STK3: variants seen among roughly 807,000 people sequenced by gnomAD.
The protein encoded by STK3 is serine/threonine-protein kinase 3.
Under a neutral mutation model 58.0 loss-of-function variants are expected in STK3, and 41 were observed. The ratio of observed to expected loss-of-function variants is 0.71; its 90% CI spans 0.55 to 0.92. The LOEUF (loss-of-function observed/expected upper bound fraction) is 0.92. Ranked by LOEUF, STK3 falls within the 40% of genes least tolerant of loss-of-function variation. The pLI is 0.00. For synonymous variants in STK3, 170 were observed against 191.0 expected (o/e 0.89, Z 0.91); for missense variants, 479 against 602.7 (o/e 0.79, Z 2.15).
intron 10 of STK3, among the ~76,000 whole-genome samples, chr8:98,464,225 A>T (rs913519854): frequency 5.3e-5 from 8 of 152,216 alleles, no homozygotes; most frequent in African/African-American, 1.9e-4. Context: ...AATTGCCTAT[A>T]GCATTTTTAA....
At position 98,694,772 on chromosome 8, in the gene STK3, C is replaced by T. The variant is rs1054219454; in HGVS notation, c.684+11695G>A. 2.4e-4 allele frequency among the ~76,000 whole-genome samples: 36 copies of T among 152,246 alleles called. 2 individuals are homozygous for T. The highest frequency in any genetic ancestry group is 1.7e-3 in the East Asian group (9 of 5,178). Reference sequence around the variant, plus strand: ...TCATTGTTGGACATTTGGGTTGGTTCCAAGTCTTTGCTATTGTGAATAGTG... The same window carrying T: ...TCATTGTTGGACATTTGGGTTGGTTTCAAGTCTTTGCTATTGTGAATAGTG... On this transcript the variant is annotated intron_variant, in intron 6 of 10. Coordinates refer to ENST00000419617, the MANE Select transcript of STK3 (RefSeq NM_006281.4).
chr8:98,910,682 T>G (rs1839094035), intron 1 of STK3, among the ~76,000 whole-genome samples: 1 of 152,236 alleles, frequency 6.6e-6, no homozygotes, highest in Non-Finnish European at 1.5e-5. Flanking sequence ...TTAGTCCCTG[T>G]GCATTACTGC....
At chr8:98,587,410 G>C (rs890796068) in intron 7 of STK3, among the ~76,000 whole-genome samples, 16 of 152,178 alleles carry the variant, frequency 1.1e-4, no homozygotes, top group Admixed American at 6.5e-4. Flanking sequence ...GAGTGGTTTT[G>C]AGTGAGATTC....
At chr8:98,421,218 A>G (rs1818169552) in intron 3 of STK3, among the ~76,000 whole-genome samples, 1 of 152,170 alleles carries the variant, frequency 6.6e-6, no homozygotes, top group Admixed American at 6.5e-5. Flanking sequence ...CCTCCCACAG[A>G]AAGTTCAGGA....
rs1465363137 is a variant in STK3, at chr8:98,402,397, A to G, written n.484-884T>C. On this transcript the variant is annotated intron_variant and non_coding_transcript_variant, in intron 3 of 3. Transcript: ENST00000517832. The stretch of plus-strand genomic sequence containing the variant: ...CACATTCCTGTGTCCTCTTTCAGAG[A>G]GTCCAAGGGATCGGAGCTCCCTGGA... Among the ~76,000 whole-genome samples the G allele has an allele frequency of 3.3e-5, 5 of 152,182 alleles. No individual in the cohort carries two copies. In the South Asian group the frequency reaches 1.0e-3, roughly 31 times the overall value.
intron 6 of STK3, among the ~76,000 whole-genome samples, chr8:98,692,254 G>T (rs996483646): frequency 6.6e-5 from 10 of 152,154 alleles, no homozygotes; most frequent in African/African-American, 2.4e-4. Flanking sequence ...TTGAATTGAT[G>T]ATTGTGGATC....
intron 3 of STK3, among the ~76,000 whole-genome samples, chr8:98,852,420 C>A (rs777961668): frequency 6.6e-6 from 1 of 152,130 alleles, no homozygotes; most frequent in Non-Finnish European, 1.5e-5. Flanking sequence ...AGGGGTGAGC[C>A]ACTGTGCCCA....
intron 1 of STK3, among the ~76,000 whole-genome samples, chr8:98,887,110 A>G (rs937237472): frequency 1.3e-5 from 2 of 152,320 alleles, no homozygotes; most frequent in South Asian, 2.1e-4. Flanking sequence ...AAAAGAAAAA[A>G]AGAAATCATC....
intron 9 of STK3, among the ~76,000 whole-genome samples, chr8:98,537,101 T>A (rs1262687222): frequency 6.6e-6 from 1 of 151,762 alleles, no homozygotes; most frequent in Admixed American, 6.6e-5. Context: ...AAAGAAGGAG[T>A]CTATTCTGTC....
intron 4 of STK3, among the ~76,000 whole-genome samples, chr8:98,739,169 A>C (rs1160412414): frequency 6.6e-6 from 1 of 152,266 alleles, no homozygotes; most frequent in Non-Finnish European, 1.5e-5. Context: ...GGCAGGGCAC[A>C]GACAAACAAA....
chr8:98,383,015 G>A (rs989903146), intron 1 of STK3, among the ~76,000 whole-genome samples: 1 of 152,314 alleles, frequency 6.6e-6, no homozygotes, highest in Non-Finnish European at 1.5e-5. Flanking sequence ...CACAGCGTGA[G>A]GGCTCTGCCT....
intron 4 of STK3, among the ~76,000 whole-genome samples, chr8:98,738,990 T>C (rs1322720456): frequency 6.6e-6 from 1 of 152,214 alleles, no homozygotes; most frequent in African/African-American, 2.4e-5. Context: ...CACTGATTGC[T>C]AGCACAGCAG....
intron 3 of STK3, among the ~76,000 whole-genome samples, chr8:98,863,300 G>C (rs1170186947): frequency 6.6e-6 from 1 of 152,122 alleles, no homozygotes; most frequent in Admixed American, 6.6e-5. Flanking sequence ...TTTCTTTTAG[G>C]AAGGGCAGTA....
intron 10 of STK3, among the ~76,000 whole-genome samples, chr8:98,490,981 T>C (rs1227368546): frequency 6.6e-6 from 1 of 152,172 alleles, no homozygotes. Context: ...AAAGAAGGGA[T>C]CAGAGTTTTA....
At chr8:98,886,576 G>A (rs1196887104) in intron 1 of STK3, among the ~76,000 whole-genome samples, 1 of 152,140 alleles carries the variant, frequency 6.6e-6, no homozygotes, top group Non-Finnish European at 1.5e-5. Flanking sequence ...TGCCCTGGGA[G>A]TAAAGAAATA....
chr8:98,921,753 A>G (rs932542192), intron 1 of STK3, among the ~76,000 whole-genome samples: 3 of 151,830 alleles, frequency 2.0e-5, no homozygotes, highest in African/African-American at 7.3e-5. Flanking sequence ...GTGCAGTGGC[A>G]TGATTTCGGC....
intron 6 of STK3, among the ~76,000 whole-genome samples, chr8:98,688,768 A>G (rs1824192488): frequency 6.6e-6 from 1 of 152,214 alleles, no homozygotes; most frequent in Non-Finnish European, 1.5e-5. Flanking sequence ...GGATACGGCA[A>G]AAGCAGTGTT....
chr8:98,896,224 C>T (rs1037466823), intron 1 of STK3, among the ~76,000 whole-genome samples: 10 of 152,112 alleles, frequency 6.6e-5, no homozygotes, highest in African/African-American at 2.4e-4. Context: ...AAACTAGTAC[C>T]CTATTAATCT....
intron 2 of STK3, among the ~76,000 whole-genome samples, chr8:98,373,821 A>C (rs1390058705): frequency 6.6e-6 from 1 of 152,254 alleles, no homozygotes; most frequent in African/African-American, 2.4e-5. Context: ...AAACAGGATC[A>C]GAAAACCTAA....
Sources: allele counts gnomAD v4.1 joint callset (sites outside exome capture counted in the v4.1 genomes callset), GRCh38; gene constraint gnomAD v4.1.1; transcripts MANE v1.5; gene names NCBI Gene and HGNC (gene_info 2026-07-23, HGNC 2026-07-21).